The following SEZ6L variants were observed in gnomAD, a reference collection of about 807,000 sequenced individuals.
The protein encoded by SEZ6L is seizure related 6 homolog like.
A neutral mutation model predicts 106.2 loss-of-function variants in SEZ6L; 37 were observed. The observed-to-expected ratio is 0.35, with a 90% CI of 0.27 to 0.46. SEZ6L has a LOEUF of 0.46. Ranked by LOEUF, SEZ6L falls within the 20% of genes least tolerant of loss-of-function variation. The pLI is 1.00. For synonymous variants in SEZ6L, 541 were observed against 570.4 expected, an observed-to-expected ratio of 0.95 and a Z score of 0.73; for missense variants, 1,172 against 1,332.8, an observed-to-expected ratio of 0.88 and a Z score of 1.88.
At chr22:26,323,082 C>T (rs527350832) in intron 9 of SEZ6L, among the ~76,000 whole-genome samples, 120 of 152,320 alleles carry the variant, frequency 7.9e-4, no homozygotes, top group African/African-American at 2.7e-3. Context: ...AAGAGAGGAC[C>T]AGAAAGACAA....
chr22:26,201,948 C>G (rs1174140765), intron 1 of SEZ6L, among the ~76,000 whole-genome samples: 1 of 152,190 alleles, frequency 6.6e-6, no homozygotes, highest in African/African-American at 2.4e-5. Flanking sequence ...GAGTCTGGCT[C>G]TGTCGCCCAG....
In SEZ6L at chr22:26,381,968, A is replaced by G. The variant is rs926869172; in HGVS notation, c.*1673A>G. The G allele has an allele frequency of 3.9e-6, 2 of 514,680 alleles. No individual in the cohort carries two copies. The highest frequency in any genetic ancestry group is 7.8e-6 in the Non-Finnish European group (2 of 257,902). 31.9% of individuals were successfully genotyped at this position (514,680 alleles called of 1,614,324 possible). A position where few individuals can be genotyped will look rare whatever the true frequency, so the allele number is the denominator to read the frequency against. Reference sequence around the variant, plus strand: ...GTCTATGTTTTGGTGGTTACATTGGAAACATCTTAAGCAAGATAGGGAAAG... The same window carrying G: ...GTCTATGTTTTGGTGGTTACATTGGGAACATCTTAAGCAAGATAGGGAAAG... On this transcript the variant is annotated 3_prime_UTR_variant, in exon 17 of 17. Coordinates refer to ENST00000248933, the MANE Select transcript of SEZ6L (RefSeq NM_021115.5).
At position 26,382,843 on chromosome 22, in the gene SEZ6L, T is replaced by C. The variant is rs564906144; in HGVS notation, c.*2548T>C. 1.3e-5 allele frequency: 2 copies of C among 152,292 alleles called. No homozygotes were observed. Among genetic ancestry groups the C allele is most frequent in the East Asian group, 1.9e-4 (1 of 5,184 alleles). The allele number at this position is 152,292 out of a possible 1,614,324, so 9.4% of individuals were successfully genotyped here. On this transcript the variant is annotated 3_prime_UTR_variant, in exon 17 of 17. Coordinates refer to ENST00000248933, the MANE Select transcript of SEZ6L (RefSeq NM_021115.5). The stretch of plus-strand genomic sequence containing the variant: ...CCCATTGGGATTAAATATTTTTGAA[T>C]AGGATACACTCTTGAGAAACTCGAG...
chr22:26,286,866 G>C (rs1328897422), intron 1 of SEZ6L, among the ~76,000 whole-genome samples: 1 of 150,738 alleles, frequency 6.6e-6, no homozygotes, highest in Non-Finnish European at 1.5e-5. Context: ...TCCCGCCTCA[G>C]CTTCCCAAGT....
At chr22:26,263,594 C>T (rs62225677) in intron 1 of SEZ6L, among the ~76,000 whole-genome samples, 1 of 152,226 alleles carries the variant, frequency 6.6e-6, no homozygotes, top group African/African-American at 2.4e-5. Flanking sequence ...GGAATACAGA[C>T]CCTACGTCCA....
At chr22:26,299,686 A>G (rs779881679) in intron 5 of SEZ6L, among the ~76,000 whole-genome samples, 41 of 152,338 alleles carry the variant, frequency 2.7e-4, no homozygotes, top group Non-Finnish European at 5.1e-4. Flanking sequence ...ATAATATTCC[A>G]TTGTATGGAT....
At position 26,375,567 on chromosome 22, in the gene SEZ6L, G is replaced by C; in HGVS notation, c.2828-8G>C. Reference sequence around the variant, plus strand: ...GGAAATGAGGACCTCACTGGCTCCTGTGTTCAGTAGCAGAAGCGGCAGCAG... The same window carrying C: ...GGAAATGAGGACCTCACTGGCTCCTCTGTTCAGTAGCAGAAGCGGCAGCAG... On this transcript the variant is annotated splice_region_variant and splice_polypyrimidine_tract_variant and intron_variant, in intron 14 of 16. Transcript: ENST00000248933. 1 of 1,612,704 alleles carries C rather than the reference G, an allele frequency of 6.2e-7. No homozygotes were observed. The highest frequency in any genetic ancestry group is 8.5e-7 in the Non-Finnish European group (1 of 1,178,780).
rs1179147410 is a variant in SEZ6L at position 26,292,504 on chromosome 22, A to T, written c.193A>T (p.Arg65Ter). The change falls in exon 2 of 17, where the codon AGA (arginine) becomes TGA (stop). Residue 65 changes from arginine to a stop codon, truncating the protein, a stop_gained. Coordinates refer to ENST00000248933, the MANE Select transcript of SEZ6L (RefSeq NM_021115.5). LOFTEE classifies it high-confidence loss of function. ...TCCTGGCAAAGAGCACCCTGAAGAG[A>T]GAGTGGTAACAGCGCCCCCCAGTTC... Reference protein sequence around the residue: ...GSPGKEHPEERVVTAPPSSSQ... With the variant: ...GSPGKEHPEE 1 of 1,613,876 alleles carries T rather than the reference A, an allele frequency of 6.2e-7. No homozygotes were observed.
intron 1 of SEZ6L, among the ~76,000 whole-genome samples, chr22:26,188,716 C>T (rs534895847): frequency 5.3e-5 from 8 of 152,072 alleles, no homozygotes; most frequent in Non-Finnish European, 8.8e-5. Flanking sequence ...ATTTCTGCAA[C>T]GAAGGATGTG....
rs139127644 is a variant in SEZ6L at position 26,327,409 on chromosome 22, CCACA to C, written c.2016-13017_2016-13014del. Among the ~76,000 whole-genome samples the C allele has an allele frequency of 6.2e-3, 870 of 139,484 alleles. 9 individuals are homozygous for C. The highest frequency in any genetic ancestry group is 0.023 in the African/African-American group (833 of 35,936). 91.5% of individuals were successfully genotyped at this position (139,484 alleles called of 152,430 possible). ...ACACCATACACACACCACATACACA[CCACA>C]CACACACACGCACAAACCACACATA... On this transcript the variant is annotated intron_variant, in intron 9 of 16. Coordinates refer to ENST00000248933, the MANE Select transcript of SEZ6L (RefSeq NM_021115.5).
intron 13 of SEZ6L, among the ~76,000 whole-genome samples, 180 bp downstream of exon 13, chr22:26,365,746 C>T (rs1373284426): frequency 1.3e-5 from 2 of 151,910 alleles, no homozygotes; most frequent in Non-Finnish European, 2.9e-5. Context: ...TGGCGGCACA[C>T]ACCTGTAGTC....
At chr22:26,204,387 G>C (rs972362768) in intron 1 of SEZ6L, among the ~76,000 whole-genome samples, 2 of 152,148 alleles carry the variant, frequency 1.3e-5, no homozygotes, top group Non-Finnish European at 2.9e-5. Flanking sequence ...CTTACTACAT[G>C]CTAGTCATCG....
intron 1 of SEZ6L, among the ~76,000 whole-genome samples, chr22:26,265,025 G>A (rs2080131123): frequency 6.6e-6 from 1 of 152,134 alleles, no homozygotes; most frequent in Non-Finnish European, 1.5e-5. Flanking sequence ...TAGGGGTGGA[G>A]GAAGTTTACA....
At chr22:26,317,793 G>T (rs2082046475) in intron 9 of SEZ6L, among the ~76,000 whole-genome samples, 1 of 152,024 alleles carries the variant, frequency 6.6e-6, no homozygotes, top group African/African-American at 2.4e-5. Flanking sequence ...AGGAGAGAGG[G>T]CCCTCAGTTT....
At chr22:26,341,076 G>A (rs577853060) in intron 10 of SEZ6L, among the ~76,000 whole-genome samples, 3 of 151,498 alleles carry the variant, frequency 2.0e-5, no homozygotes, top group Admixed American at 6.6e-5. Context: ...CTCAAACATC[G>A]TCTTCACCTT....
intron 1 of SEZ6L, among the ~76,000 whole-genome samples, chr22:26,239,141 A>G (rs895989545): frequency 2.0e-5 from 3 of 152,164 alleles, no homozygotes; most frequent in East Asian, 1.9e-4. Flanking sequence ...GGAGGATTAC[A>G]TGAATCCAGG....
chr22:26,228,919 C>T (rs1569399998), intron 1 of SEZ6L, among the ~76,000 whole-genome samples: 2 of 152,194 alleles, frequency 1.3e-5, no homozygotes, highest in Non-Finnish European at 1.5e-5. Context: ...TCAGAGGATG[C>T]TCTTGAGGGA....
intron 1 of SEZ6L, among the ~76,000 whole-genome samples, chr22:26,256,548 C>A (rs1009373115): frequency 6.6e-6 from 1 of 152,202 alleles, no homozygotes. Context: ...TGCCTCAGTG[C>A]CACCCCAAAG....
chr22:26,200,164 A>G (rs1279585335), intron 1 of SEZ6L, among the ~76,000 whole-genome samples: 3 of 152,034 alleles, frequency 2.0e-5, no homozygotes, highest in Non-Finnish European at 2.9e-5. Context: ...CTTCTAATGT[A>G]TATATTTCCT....
Sources: gnomAD v4.1 joint callset for allele counts (sites outside exome capture counted in the v4.1 genomes callset) on GRCh38, gnomAD v4.1.1 for gene constraint, MANE v1.5 for transcripts, NCBI Gene and HGNC (gene_info 2026-07-23, HGNC 2026-07-21) for gene names.